The following TTLL11 variants were observed in gnomAD, a reference collection of about 807,000 sequenced individuals.
TTLL11 encodes the protein tubulin tyrosine ligase like 11, also known as tubulin polyglutamylase TTLL11.
Under a neutral mutation model 51.7 loss-of-function variants are expected in TTLL11, and 42 were observed. The observed-to-expected ratio is 0.81, with a 90% CI of 0.64 to 1.05. The LOEUF (loss-of-function observed/expected upper bound fraction) is 1.05, where lower values mean the gene tolerates loss of function less well. Ranked by LOEUF, TTLL11 falls within the 50% of genes least tolerant of loss-of-function variation. The pLI, the probability that TTLL11 is intolerant of heterozygous loss-of-function variation, is 0.00. For missense variants in TTLL11, 799 were observed against 940.4 expected (o/e 0.85, Z 1.97); for synonymous variants, 381 against 383.5 (o/e 0.99, Z 0.08).
Position 121,826,876 on chromosome 9 carries a change from A to C in TTLL11, c.1841-3997T>G, listed in dbSNP as rs182539482. Among the ~76,000 whole-genome samples, 235 of 152,074 alleles carry C rather than the reference A, an allele frequency of 1.5e-3. 2 individuals carry two copies. Among genetic ancestry groups the C allele is most frequent in the African/African-American group, 5.3e-3 (221 of 41,502 alleles). On this transcript the variant is annotated intron_variant, in intron 8 of 8. Coordinates refer to ENST00000321582, the MANE Select transcript of TTLL11 (RefSeq NM_001139442.2). ...GTGCTGGGGGTGGTCGACTGGGCTG[A>C]GAGCAGGGACCTGTGGGGCAGGGAG...
chr9:121,892,115 A>T, intron 6 of TTLL11, among the ~76,000 whole-genome samples: 1 of 131,014 alleles, frequency 7.6e-6, no homozygotes, highest in Non-Finnish European at 1.6e-5. Flanking sequence ...TGAAAGTTAA[A>T]AAGTCTCCTT....
In TTLL11 at chr9:121,815,983, A is replaced by G. The variant is rs539020558; in HGVS notation, c.*6604T>C. 6.6e-6 allele frequency: 1 copy of G among 152,044 alleles called. No individual in the cohort carries two copies. The highest frequency in any genetic ancestry group is 6.5e-5 in the Admixed American group (1 of 15,270). The allele number at this position is 152,044 out of a possible 1,614,324, so 9.4% of individuals were successfully genotyped here. On this transcript the variant is annotated 3_prime_UTR_variant, in exon 9 of 9. Coordinates refer to ENST00000321582, the MANE Select transcript of TTLL11 (RefSeq NM_001139442.2). ...ATCCGTCTTGTTTCCGCACGTCGAG[A>G]CCCTTCCTTTTCTCGACAGACATGT...
rs552346377 is a variant in TTLL11 at position 121,904,079 on chromosome 9, G to C, written c.1482-33331C>G. ...CCATATTCATGACAGAGTTCTCTTG[G>C]GGGAACAGCATTTGGAGAAAATACT... On this transcript the variant is annotated intron_variant, in intron 6 of 8. Transcript: ENST00000321582. 2.6e-5 allele frequency among the ~76,000 whole-genome samples: 4 copies of C among 152,238 alleles called. No homozygotes were observed. In the East Asian group the frequency reaches 5.8e-4, roughly 22 times the overall value.
intron 6 of TTLL11, among the ~76,000 whole-genome samples, chr9:121,930,777 C>A (rs1840935927): frequency 6.6e-6 from 1 of 152,244 alleles, no homozygotes; most frequent in Non-Finnish European, 1.5e-5. Context: ...GGAGCTGATA[C>A]ACTGTCCACG....
At chr9:122,034,056 G>A (rs993567520) in intron 2 of TTLL11, among the ~76,000 whole-genome samples, 5 of 152,180 alleles carry the variant, frequency 3.3e-5, no homozygotes, top group Admixed American at 2.0e-4. Flanking sequence ...AAATGTTACC[G>A]TATTGAACTG....
chr9:122,018,376 T>G (rs1844057786), intron 3 of TTLL11, among the ~76,000 whole-genome samples: 1 of 152,144 alleles, frequency 6.6e-6, no homozygotes, highest in Non-Finnish European at 1.5e-5. Flanking sequence ...CCTCCCAAAG[T>G]GCTGGGATTA....
rs779816525 is a variant in TTLL11 at position 121,819,720 on chromosome 9, G to A, written c.*2867C>T. ...CAGGGGCTGCCCAGCTATGTGTGCC[G>A]TGCCTCTGGGCCAGCCAGACTCCCG... On this transcript the variant is annotated 3_prime_UTR_variant, in exon 9 of 9. Transcript: ENST00000321582. Among the ~76,000 whole-genome samples the A allele has an allele frequency of 7.9e-5, 12 of 152,140 alleles. No individual in the cohort carries two copies. The highest frequency in any genetic ancestry group is 6.2e-4 in the South Asian group (3 of 4,814).
chr9:121,909,548 G>A (rs1840042673), intron 6 of TTLL11, among the ~76,000 whole-genome samples: 3 of 152,146 alleles, frequency 2.0e-5, no homozygotes, highest in Admixed American at 2.0e-4. Flanking sequence ...CCAAGTATAT[G>A]CTTTTGTCTT....
intron 6 of TTLL11, among the ~76,000 whole-genome samples, chr9:121,895,354 G>A (rs760965273): frequency 1.4e-5 from 1 of 71,952 alleles, no homozygotes; most frequent in African/African-American, 3.4e-5. Flanking sequence ...GGCTGTGTGC[G>A]TGTGTGTGTA....
chr9:121,823,799 G>T (rs985909626), intron 8 of TTLL11, among the ~76,000 whole-genome samples: 5 of 152,138 alleles, frequency 3.3e-5, no homozygotes, highest in Non-Finnish European at 7.4e-5. Context: ...ATTCTGGAAA[G>T]AATAAATAGT....
At chr9:121,840,769 G>C (rs1837325456) in intron 8 of TTLL11, among the ~76,000 whole-genome samples, 1 of 152,168 alleles carries the variant, frequency 6.6e-6, no homozygotes, top group Admixed American at 6.5e-5. Context: ...GACCAATAGG[G>C]AACCATGAGG....
intron 2 of TTLL11, among the ~76,000 whole-genome samples, chr9:122,032,303 T>C (rs145071058): frequency 6.6e-6 from 1 of 152,158 alleles, no homozygotes; most frequent in African/African-American, 2.4e-5. Flanking sequence ...AGAGGCTTAA[T>C]TAAGTTTACT....
chr9:122,016,589 C>T lies in TTLL11; in HGVS notation c.693+15134G>A, dbSNP rs551869943. Among the ~76,000 whole-genome samples, 285 of 152,256 alleles carry T rather than the reference C, an allele frequency of 1.9e-3. 1 individual carries two copies. The highest frequency in any genetic ancestry group is 0.01 in the Middle Eastern group (3 of 294). ...ACATTTTCCTGGTTCCTAAACCCAGCGGAGGACGTTGTTCTCTGGGGGTTT... is the reference window on the plus strand; with the variant it reads ...ACATTTTCCTGGTTCCTAAACCCAGTGGAGGACGTTGTTCTCTGGGGGTTT... On this transcript the variant is annotated intron_variant, in intron 3 of 8. Transcript: ENST00000321582.
intron 6 of TTLL11, among the ~76,000 whole-genome samples, chr9:121,883,476 C>T (rs565797794): frequency 3.9e-5 from 6 of 152,282 alleles, no homozygotes; most frequent in East Asian, 1.9e-4. Context: ...GAAGATTTCG[C>T]GGCCTCCTTC....
At chr9:121,988,416 C>A (rs985526152) in intron 4 of TTLL11, among the ~76,000 whole-genome samples, 1 of 151,968 alleles carries the variant, frequency 6.6e-6, no homozygotes, top group African/African-American at 2.4e-5. Flanking sequence ...TCCCACCTCA[C>A]CTTCCCTCAT....
At chr9:121,881,301 C>A (rs1207891661) in intron 6 of TTLL11, among the ~76,000 whole-genome samples, 2 of 144,996 alleles carry the variant, frequency 1.4e-5, no homozygotes, top group Non-Finnish European at 3.0e-5. Flanking sequence ...TTGGGGGAAG[C>A]CATGTGTAAA....
chr9:121,997,690 T>A (rs957215890), intron 3 of TTLL11, among the ~76,000 whole-genome samples: 3 of 152,152 alleles, frequency 2.0e-5, no homozygotes, highest in African/African-American at 7.2e-5. Flanking sequence ...TTTTTAGCAT[T>A]TCATTTAATT....
At chr9:122,043,317 T>C (rs1407748677) in intron 1 of TTLL11, among the ~76,000 whole-genome samples, 2 of 152,156 alleles carry the variant, frequency 1.3e-5, no homozygotes, top group Non-Finnish European at 2.9e-5. Context: ...TGGGATAGGA[T>C]AGCTCAGAAA....
intron 8 of TTLL11, among the ~76,000 whole-genome samples, chr9:121,826,764 G>A (rs569912261): frequency 6.6e-6 from 1 of 151,838 alleles, no homozygotes; most frequent in East Asian, 2.0e-4. Context: ...AAGGATCTAG[G>A]GGTTGGGGGC....
Sources: allele counts gnomAD v4.1 joint callset (sites outside exome capture counted in the v4.1 genomes callset), GRCh38; gene constraint gnomAD v4.1.1; transcripts MANE v1.5; gene names NCBI Gene and HGNC (gene_info 2026-07-23, HGNC 2026-07-21).